HIPK3: variants seen among roughly 807,000 people sequenced by gnomAD.
The protein encoded by HIPK3 is homeodomain interacting protein kinase 3.
HIPK3 carries 47 observed loss-of-function variants against 124.2 expected under a neutral mutation model. The observed-to-expected ratio is 0.38, with a 90% CI of 0.30 to 0.48. HIPK3 has a LOEUF of 0.48. Among genes scored for constraint, HIPK3 ranks in the 20% least tolerant of loss-of-function variants. The pLI is 0.98. For synonymous variants in HIPK3, 482 were observed against 515.2 expected, an observed-to-expected ratio of 0.94 and a Z score of 0.87; for missense variants, 1,286 against 1,454.3, an observed-to-expected ratio of 0.88 and a Z score of 1.88.
At chr11:33,342,826 G>C (rs1853377001) in intron 8 of HIPK3, among the ~76,000 whole-genome samples, 1 of 152,126 alleles carries the variant, frequency 6.6e-6, no homozygotes, top group Admixed American at 6.5e-5. Flanking sequence ...GATTACAGGG[G>C]TGAGCCACCA....
At chr11:33,292,707 T>A (rs1851730489) in intron 2 of HIPK3, among the ~76,000 whole-genome samples, 1 of 152,194 alleles carries the variant, frequency 6.6e-6, no homozygotes, top group Admixed American at 6.5e-5. Flanking sequence ...AGTTTAGTTT[T>A]AATAGAAGAT....
chr11:33,335,490 A>G (rs1853115049), intron 3 of HIPK3, among the ~76,000 whole-genome samples: 1 of 152,238 alleles, frequency 6.6e-6, no homozygotes, highest in African/African-American at 2.4e-5. Context: ...CATGTCTGTT[A>G]CTAACAGGCC....
chr11:33,283,716 C>T (rs749648674), intron 1 of HIPK3, among the ~76,000 whole-genome samples: 21 of 151,678 alleles, frequency 1.4e-4, no homozygotes, highest in Non-Finnish European at 2.4e-4. Context: ...GCTCTGTTGC[C>T]CAGGCTGAAG....
chr11:33,282,774 G>T (rs1020789704), intron 1 of HIPK3, among the ~76,000 whole-genome samples: 2 of 152,092 alleles, frequency 1.3e-5, no homozygotes, highest in Non-Finnish European at 1.5e-5. Flanking sequence ...GAGAATCATG[G>T]CAATGTTAAA....
At position 33,332,592 on chromosome 11, in the gene HIPK3, G is replaced by A. The variant is rs551625246; in HGVS notation, c.1221+3959G>A. On this transcript the variant is annotated intron_variant, in intron 3 of 16. Transcript: ENST00000303296. ...AGAATGTTATCCAGAACAACTAAGAGTCTGACTTTATATTCAAATTATATT... is the reference window on the plus strand; with the variant it reads ...AGAATGTTATCCAGAACAACTAAGAATCTGACTTTATATTCAAATTATATT... 2.6e-5 allele frequency among the ~76,000 whole-genome samples: 4 copies of A among 152,270 alleles called. No homozygotes were observed. In the South Asian group the frequency reaches 8.3e-4, roughly 32 times the overall value.
At chr11:33,303,629 C>T (rs1373384392) in intron 2 of HIPK3, among the ~76,000 whole-genome samples, 7 of 152,194 alleles carry the variant, frequency 4.6e-5, no homozygotes, top group Non-Finnish European at 8.8e-5. Context: ...CGACCTCACA[C>T]ACTTCAAAAT....
In HIPK3 at chr11:33,352,149, C is replaced by A. The variant is rs1215364308; in HGVS notation, c.3055C>A (p.Gln1019Lys). The A allele has an allele frequency of 1.2e-6, 2 of 1,613,208 alleles. No homozygotes were observed. The highest frequency in any genetic ancestry group is 2.7e-5 in the African/African-American group (2 of 74,848). ...EHMANTDSIC[Q>K]PLIKGRSAPG... ...TTATTCGTCGCCAGATTCTATATGCCAGCCATTAATAAAAGGACGATCTGC... is the reference window on the plus strand; with the variant it reads ...TTATTCGTCGCCAGATTCTATATGCAAGCCATTAATAAAAGGACGATCTGC... Residue 1019 changes from glutamine (Q) to lysine (K), a missense_variant, in exon 16 of 17, where the codon CAG (glutamine) becomes AAG (lysine). Coordinates refer to ENST00000303296, the MANE Select transcript of HIPK3 (RefSeq NM_005734.5).
intron 2 of HIPK3, among the ~76,000 whole-genome samples, chr11:33,295,292 C>A (rs187871321): frequency 2.0e-5 from 2 of 99,088 alleles, no homozygotes; most frequent in Non-Finnish European, 4.3e-5. Flanking sequence ...CCCCCCACAA[C>A]TCCACCCCAT....
chr11:33,278,034 G>T (rs1163838573), intron 1 of HIPK3, among the ~76,000 whole-genome samples: 1 of 152,094 alleles, frequency 6.6e-6, no homozygotes, highest in African/African-American at 2.4e-5. Context: ...GGTATCATTT[G>T]ATGAATGAAA....
At chr11:33,307,258 TAAAC>T (rs1449462670) in intron 2 of HIPK3, among the ~76,000 whole-genome samples, 3 of 152,174 alleles carry the variant, frequency 2.0e-5, no homozygotes, top group African/African-American at 7.2e-5. Context: ...CATTTTTAAA[TAAAC>T]TATCTTATTG....
At chr11:33,346,122 T>G (rs1410247277) in intron 8 of HIPK3, among the ~76,000 whole-genome samples, 1 of 152,210 alleles carries the variant, frequency 6.6e-6, no homozygotes, top group Non-Finnish European at 1.5e-5. Flanking sequence ...CCCTAAAATC[T>G]TGTCAAAACT....
In HIPK3 at chr11:33,266,319, A is replaced by G. The variant is rs948486619; in HGVS notation, c.-3+8430A>G. On this transcript the variant is annotated intron_variant, in intron 1 of 16. Coordinates refer to ENST00000303296, the MANE Select transcript of HIPK3 (RefSeq NM_005734.5). Reference sequence around the variant, plus strand: ...CTTCTAGGCTGTTTACTTTATTAAAATGAAATATTTAAATAAATGATATTA... The same window carrying G: ...CTTCTAGGCTGTTTACTTTATTAAAGTGAAATATTTAAATAAATGATATTA... Among the ~76,000 whole-genome samples, 5 of 15,904 alleles carry G rather than the reference A, an allele frequency of 3.1e-4. No individual in the cohort carries two copies. In the South Asian group the frequency reaches 4.6e-3, roughly 15 times the overall value. The allele number at this position is 15,904 out of a possible 152,430, so 10.4% of individuals were successfully genotyped here. A position where few individuals can be genotyped will look rare whatever the true frequency, so the allele number is the denominator to read the frequency against.
chr11:33,313,539 G>A (rs1222223744), intron 2 of HIPK3, among the ~76,000 whole-genome samples: 1 of 152,054 alleles, frequency 6.6e-6, no homozygotes, highest in Non-Finnish European at 1.5e-5. Context: ...AGAGAGTTAA[G>A]GCAAATGGAG....
rs192015281 is a variant in HIPK3 at position 33,332,137 on chromosome 11, T to C, written c.1221+3504T>C. On this transcript the variant is annotated intron_variant, in intron 3 of 16. Transcript: ENST00000303296. The stretch of plus-strand genomic sequence containing the variant: ...GTATTTTAATTCTTCATTATAGGGT[T>C]TGTGTTCTAGCCCTTTAATCATATT... Among the ~76,000 whole-genome samples, 96 of 152,356 alleles carry C rather than the reference T, an allele frequency of 6.3e-4. 1 individual carries two copies. Among genetic ancestry groups the C allele is most frequent in the Middle Eastern group, 3.4e-3 (1 of 294 alleles).
intron 2 of HIPK3, among the ~76,000 whole-genome samples, chr11:33,296,354 T>A (rs1441759605): frequency 1.3e-5 from 2 of 152,198 alleles, no homozygotes; most frequent in African/African-American, 4.8e-5. Flanking sequence ...TATTGGAGAA[T>A]GGCTTTTGGA....
rs1204426418 is a variant in HIPK3, at chr11:33,352,193, G to A, written c.3099G>A (p.Gln1033=). The A allele has an allele frequency of 1.9e-6, 3 of 1,613,772 alleles. No homozygotes were observed. Among genetic ancestry groups the A allele is most frequent in the African/African-American group, 2.7e-5 (2 of 74,924 alleles). The change falls in exon 16 of 17, where the codon CAG becomes CAA. Residue 1033 remains glutamine (Q), a synonymous_variant. Transcript: ENST00000303296. ...KGRSAPGRLN[Q]PSAVGTRQQK... The stretch of plus-strand genomic sequence containing the variant: ...GATCTGCCCCTGGAAGATTAAACCA[G>A]CCTTCTGCAGTGGGTACTCGTCAGC...
intron 1 of HIPK3, among the ~76,000 whole-genome samples, chr11:33,271,773 C>T: frequency 6.6e-6 from 1 of 152,122 alleles, no homozygotes; most frequent in East Asian, 1.9e-4. Context: ...TAATATCTTT[C>T]TTTTTTATAC....
At chr11:33,281,116 C>T (rs1590352698) in intron 1 of HIPK3, among the ~76,000 whole-genome samples, 1 of 138,120 alleles carries the variant, frequency 7.2e-6, no homozygotes, top group Non-Finnish European at 1.5e-5. Context: ...GTCGCCCAGG[C>T]TGGAGTGCAG....
chr11:33,263,734 A>G (rs1390906160), intron 1 of HIPK3, among the ~76,000 whole-genome samples: 1 of 152,178 alleles, frequency 6.6e-6, no homozygotes, highest in Non-Finnish European at 1.5e-5. Context: ...AAATAATAGC[A>G]TCTCTGTTTA....
Sources: allele counts gnomAD v4.1 joint callset (sites outside exome capture counted in the v4.1 genomes callset), GRCh38; gene constraint gnomAD v4.1.1; transcripts MANE v1.5; gene names NCBI Gene and HGNC (gene_info 2026-07-23, HGNC 2026-07-21).